Variants in ASZ1 observed in about 807,000 individuals in gnomAD.
ASZ1 encodes the protein ankyrin repeat, SAM and basic leucine zipper domain-containing protein 1.
In ASZ1, 67 loss-of-function variants were observed where a neutral mutation model predicts 61.8. The observed-to-expected ratio is 1.08, with a 90% CI of 0.89 to 1.33. The LOEUF is 1.33. ASZ1 is among the 40% of genes most tolerant of loss of function. ASZ1 has a pLI of 0.00. For missense variants in ASZ1, 577 were observed against 554.5 expected (o/e 1.04, Z -0.41); for synonymous variants, 193 against 192.7 (o/e 1.00, Z -0.01).
chr7:117,385,504 G>A (rs773529665), intron 5 of ASZ1, among the ~76,000 whole-genome samples, 194 bp downstream of exon 5: 6 of 151,940 alleles, frequency 3.9e-5, no homozygotes, highest in Non-Finnish European at 7.4e-5. Context: ...CAAATGATCC[G>A]CCTGCCTCGG....
At chr7:117,391,702 T>C (rs1260874365) in intron 4 of ASZ1, among the ~76,000 whole-genome samples, 2 of 152,230 alleles carry the variant, frequency 1.3e-5, no homozygotes, top group Non-Finnish European at 2.9e-5. Context: ...AGCCTTTTAG[T>C]ATAGCTTGAA....
At chr7:117,407,435 A>G (rs1311471261) in intron 4 of ASZ1, among the ~76,000 whole-genome samples, 2 of 152,112 alleles carry the variant, frequency 1.3e-5, no homozygotes, top group African/African-American at 4.8e-5. Flanking sequence ...TCAGGACAGT[A>G]GTCCCTGCTT....
intron 4 of ASZ1, among the ~76,000 whole-genome samples, chr7:117,411,985 G>T (rs1371894624): frequency 5.3e-5 from 8 of 151,406 alleles, no homozygotes; most frequent in Non-Finnish European, 8.9e-5. Flanking sequence ...CTAAAAAAAT[G>T]GGAGGTAAAC....
chr7:117,416,356 T>G (rs937986344), intron 4 of ASZ1, among the ~76,000 whole-genome samples: 2 of 152,214 alleles, frequency 1.3e-5, no homozygotes, highest in African/African-American at 4.8e-5. Context: ...AAATTCTGCC[T>G]AATGAAATCT....
At chr7:117,405,410 C>T (rs532438284) in intron 4 of ASZ1, among the ~76,000 whole-genome samples, 3 of 152,200 alleles carry the variant, frequency 2.0e-5, no homozygotes, top group Non-Finnish European at 2.9e-5. Flanking sequence ...TCAGCCTCCA[C>T]GGCTCCTCGA....
At chr7:117,427,010 T>C in intron 1 of ASZ1, 75 bp from the exon 2 acceptor site, 1 of 1,404,154 alleles carries the variant, frequency 7.1e-7, no homozygotes, top group Non-Finnish European at 9.6e-7. Context: ...ACAATAATGT[T>C]TGGTTAAGTA....
At chr7:117,420,515 C>T (rs1382591401) in intron 3 of ASZ1, among the ~76,000 whole-genome samples, 1 of 152,194 alleles carries the variant, frequency 6.6e-6, no homozygotes, top group Non-Finnish European at 1.5e-5. Flanking sequence ...ACTCCCATTA[C>T]TTCAAGAGAA....
chr7:117,373,094 T>C (rs970605927), intron 10 of ASZ1, among the ~76,000 whole-genome samples: 3 of 152,152 alleles, frequency 2.0e-5, no homozygotes, highest in Non-Finnish European at 4.4e-5. Context: ...AGTTTTGAGA[T>C]GCTTCTGACA....
At chr7:117,402,707 A>G (rs1796702997) in intron 4 of ASZ1, among the ~76,000 whole-genome samples, 1 of 152,194 alleles carries the variant, frequency 6.6e-6, no homozygotes, top group African/African-American at 2.4e-5. Context: ...CTAATACCCT[A>G]TAAAGCTTAA....
chr7:117,402,934 G>A (rs957158496), intron 4 of ASZ1, among the ~76,000 whole-genome samples: 3 of 137,070 alleles, frequency 2.2e-5, no homozygotes, highest in African/African-American at 2.8e-5. Context: ...CCAAAGGTGG[G>A]GCTGCAGTTT....
At chr7:117,374,950 T>TG (rs1796111105) in intron 10 of ASZ1, among the ~76,000 whole-genome samples, 1 of 152,134 alleles carries the variant, frequency 6.6e-6, no homozygotes, top group East Asian at 1.9e-4. Context: ...AGCAAGAGAC[T>TG]GGGTAAAATG....
Position 117,363,260 on chromosome 7 carries a change from T to C in ASZ1, c.*336A>G. On this transcript the variant is annotated 3_prime_UTR_variant, in exon 13 of 13. Coordinates refer to ENST00000284629, the MANE Select transcript of ASZ1 (RefSeq NM_130768.3). ...AAGAAAGCTCAATTTATGAACACTTTACAAATCCTGTACGATTCACTGACA... is the reference window on the plus strand; with the variant it reads ...AAGAAAGCTCAATTTATGAACACTTCACAAATCCTGTACGATTCACTGACA... The C allele has an allele frequency of 6.3e-6, 1 of 157,848 alleles. No homozygotes were observed. The highest frequency in any genetic ancestry group is 1.4e-5 in the Non-Finnish European group (1 of 71,930). The allele number at this position is 157,848 out of a possible 1,614,324, so 9.8% of individuals were successfully genotyped here.
At chr7:117,377,016 A>C (rs952818629) in intron 10 of ASZ1, among the ~76,000 whole-genome samples, 1 of 152,196 alleles carries the variant, frequency 6.6e-6, no homozygotes, top group Non-Finnish European at 1.5e-5. Context: ...TTATCTACAT[A>C]GAAAATCTCA....
intron 4 of ASZ1, among the ~76,000 whole-genome samples, chr7:117,416,434 G>A (rs989678183): frequency 4.0e-5 from 6 of 151,886 alleles, no homozygotes; most frequent in African/African-American, 4.8e-5. Flanking sequence ...CTGCCTTACC[G>A]GAACACTTGT....
intron 3 of ASZ1, among the ~76,000 whole-genome samples, chr7:117,421,233 G>T (rs567346481): frequency 2.0e-5 from 3 of 151,926 alleles, no homozygotes; most frequent in African/African-American, 7.2e-5. Context: ...TTTTTTTTGA[G>T]ACAGTGTCTC....
intron 10 of ASZ1, among the ~76,000 whole-genome samples, chr7:117,370,537 A>C (rs147464143): frequency 1.3e-5 from 2 of 152,292 alleles, no homozygotes; most frequent in African/African-American, 4.8e-5. Flanking sequence ...CAGTAGAAAC[A>C]ACCAAGAAAC....
At chr7:117,411,253 A>G (rs951550973) in intron 4 of ASZ1, among the ~76,000 whole-genome samples, 1 of 151,824 alleles carries the variant, frequency 6.6e-6, no homozygotes, top group Admixed American at 6.6e-5. Context: ...ACCCTAAGAT[A>G]TCTATCATTG....
chr7:117,422,161 C>T (rs1223879166), intron 3 of ASZ1, 76 bp downstream of exon 3: 4 of 1,491,500 alleles, frequency 2.7e-6, no homozygotes, highest in Non-Finnish European at 3.6e-6. Flanking sequence ...TAGTTTTTTG[C>T]ACTTTATATA....
chr7:117,379,133 T>TA (rs1796196350), intron 10 of ASZ1, among the ~76,000 whole-genome samples: 2 of 104,658 alleles, frequency 1.9e-5, no homozygotes, highest in Non-Finnish European at 3.9e-5. Context: ...TGTGATAAAA[T>TA]TATATATATA....
Sources: allele counts gnomAD v4.1 joint callset (sites outside exome capture counted in the v4.1 genomes callset), GRCh38; gene constraint gnomAD v4.1.1; transcripts MANE v1.5; gene names NCBI Gene and HGNC (gene_info 2026-07-23, HGNC 2026-07-21).